The following CD2AP variants were observed in gnomAD, a reference collection of about 807,000 sequenced individuals.
CD2AP encodes the protein CD2 associated protein.
A neutral mutation model predicts 85.1 loss-of-function variants in CD2AP; 46 were observed. The observed-to-expected ratio is 0.54, with a 90% CI of 0.43 to 0.69. The LOEUF is 0.69. CD2AP is among the 30% of genes least tolerant of loss of function. The probability of loss-of-function intolerance (pLI) is 0.00; values close to 1 mark genes in which losing one functional copy is unlikely to be tolerated. For missense variants in CD2AP, 769 were observed against 729.5 expected, an observed-to-expected ratio of 1.05 and a Z score of -0.62; for synonymous variants, 255 against 252.9, an observed-to-expected ratio of 1.01 and a Z score of -0.08.
chr6:47,579,294 C>G, intron 8 of CD2AP, 91 bp from the exon 9 acceptor site: 1 of 764,976 alleles, frequency 1.3e-6, no homozygotes, highest in Non-Finnish European at 2.3e-6. Flanking sequence ...ATGATCGCAT[C>G]ACTGCACTTC....
intron 2 of CD2AP, among the ~76,000 whole-genome samples, chr6:47,504,532 CT>C (rs1450328850): frequency 2.0e-5 from 3 of 152,146 alleles, no homozygotes; most frequent in Non-Finnish European, 4.4e-5. Context: ...CTCCCATATA[CT>C]TTAAATAGTC....
intron 2 of CD2AP, among the ~76,000 whole-genome samples, chr6:47,532,888 T>C (rs1766925531): frequency 6.6e-6 from 1 of 152,222 alleles, no homozygotes; most frequent in Non-Finnish European, 1.5e-5. Context: ...GGCATAACTT[T>C]GTTTTTGTCT....
chr6:47,566,323 T>TATATATATATATACAC lies in CD2AP; in HGVS notation c.542-7740_542-7739insTATATATATATACACA. ...TAGAATATATATATATATATATATA[T>TATATATATATATACAC]ACACATACACATATATATATATGTA... On this transcript the variant is annotated intron_variant, in intron 5 of 17. Transcript: ENST00000359314. Among the ~76,000 whole-genome samples the TATATATATATATACAC allele has an allele frequency of 2.8e-4, 30 of 108,452 alleles. No homozygotes were observed. The South Asian group carries it at 9.4e-3, about 34-fold the overall frequency. The allele number at this position is 108,452 out of a possible 152,430, so 71.1% of individuals were successfully genotyped here.
intron 5 of CD2AP, among the ~76,000 whole-genome samples, chr6:47,566,301 AATATATATAT>A (rs71831752): frequency 0.36 from 39,881 of 110,256 alleles, 7,514 homozygotes; most frequent in Non-Finnish European, 0.39. Flanking sequence ...TGCTCATTAG[AATATATATAT>A]ATATATATAT....
intron 2 of CD2AP, among the ~76,000 whole-genome samples, chr6:47,509,532 C>G (rs755808970): frequency 3.2e-4 from 49 of 152,006 alleles, no homozygotes; most frequent in Non-Finnish European, 7.4e-5. Context: ...GGTGAAGTAA[C>G]TACACTTTAT....
chr6:47,488,169 G>A (rs1290195612), intron 1 of CD2AP, among the ~76,000 whole-genome samples: 1 of 151,710 alleles, frequency 6.6e-6, no homozygotes, highest in Non-Finnish European at 1.5e-5. Flanking sequence ...CCTACTCCGT[G>A]TGTATAAATA....
chr6:47,521,564 G>A (rs1384485958), intron 2 of CD2AP, among the ~76,000 whole-genome samples: 2 of 152,080 alleles, frequency 1.3e-5, no homozygotes, highest in Admixed American at 6.6e-5. Context: ...AAAAGAAATG[G>A]CACAGTAATA....
intron 13 of CD2AP, among the ~76,000 whole-genome samples, chr6:47,601,823 G>A (rs1016718215): frequency 6.6e-6 from 1 of 151,876 alleles, no homozygotes. Flanking sequence ...ATTAGGCAAC[G>A]TAATAATTTG....
chr6:47,563,836 C>G (rs900241295), intron 5 of CD2AP, among the ~76,000 whole-genome samples: 4 of 152,130 alleles, frequency 2.6e-5, no homozygotes, highest in Non-Finnish European at 5.9e-5. Context: ...TTTCTTTTCT[C>G]TTTAACTTAG....
intron 2 of CD2AP, among the ~76,000 whole-genome samples, chr6:47,525,835 A>AT (rs1349392213): frequency 6.6e-6 from 1 of 151,970 alleles, no homozygotes; most frequent in African/African-American, 2.4e-5. Flanking sequence ...TCCATATTGT[A>AT]TTTTTTCTTG....
At chr6:47,530,572 C>A (rs772049210) in intron 2 of CD2AP, among the ~76,000 whole-genome samples, 1 of 152,032 alleles carries the variant, frequency 6.6e-6, no homozygotes, top group Admixed American at 6.5e-5. Flanking sequence ...TATTCATTTA[C>A]TTGATGGATG....
intron 2 of CD2AP, among the ~76,000 whole-genome samples, chr6:47,526,690 A>G (rs547162069): frequency 1.1e-4 from 16 of 152,250 alleles, no homozygotes; most frequent in African/African-American, 3.1e-4. Context: ...CCTGTCCTCT[A>G]TCACATTTGG....
intron 2 of CD2AP, among the ~76,000 whole-genome samples, chr6:47,507,267 C>G (rs1293832284): frequency 6.6e-6 from 1 of 152,180 alleles, no homozygotes; most frequent in Non-Finnish European, 1.5e-5. Context: ...GTCTTGAACC[C>G]TTCAAAGTCA....
intron 9 of CD2AP, among the ~76,000 whole-genome samples, chr6:47,580,464 AAC>A (rs1423064297): frequency 8.1e-5 from 3 of 36,924 alleles, no homozygotes; most frequent in African/African-American, 1.7e-4. Flanking sequence ...AAACAAAACA[AAC>A]AAAAAAAAAA....
rs1055416143 is a variant in CD2AP at position 47,553,459 on chromosome 6, G to A, written c.421-1187G>A. 2.7e-5 allele frequency among the ~76,000 whole-genome samples: 4 copies of A among 148,166 alleles called. No individual in the cohort carries two copies. The South Asian group carries it at 8.4e-4, about 31-fold the overall frequency. On this transcript the variant is annotated intron_variant, in intron 4 of 17. Coordinates refer to ENST00000359314, the MANE Select transcript of CD2AP (RefSeq NM_012120.3). ...CTTCCCAGGTTCAACTGATTCTCCT[G>A]CCTCAGCTTCCCAGCTAGATGGGAC...
chr6:47,486,230 A>C (rs1198172986), intron 1 of CD2AP, among the ~76,000 whole-genome samples: 1 of 152,190 alleles, frequency 6.6e-6, no homozygotes, highest in African/African-American at 2.4e-5. Flanking sequence ...ACAAGTGTTA[A>C]GGATTGGGCA....
rs1015202870 is a variant in CD2AP, at chr6:47,626,319, T to C, written c.*2092T>C. The C allele has an allele frequency of 7.9e-5, 12 of 152,206 alleles. No individual in the cohort carries two copies. Among genetic ancestry groups the C allele is most frequent in the African/African-American group, 2.6e-4 (11 of 41,572 alleles). The allele number at this position is 152,206 out of a possible 1,614,324, so 9.4% of individuals were successfully genotyped here. ...AAAGAAAACCAAACAAACCCAGGCCTGATGGGAAAAATGATTCCTTTATTC... is the reference window on the plus strand; with the variant it reads ...AAAGAAAACCAAACAAACCCAGGCCCGATGGGAAAAATGATTCCTTTATTC... On this transcript the variant is annotated 3_prime_UTR_variant, in exon 18 of 18. Coordinates refer to ENST00000359314, the MANE Select transcript of CD2AP (RefSeq NM_012120.3).
intron 1 of CD2AP, among the ~76,000 whole-genome samples, chr6:47,491,403 GA>G (rs976303194): frequency 3.3e-5 from 5 of 151,552 alleles, no homozygotes; most frequent in African/African-American, 9.7e-5. Context: ...ATCTTATACT[GA>G]AATATATTTT....
At chr6:47,564,668 T>G (rs529565733) in intron 5 of CD2AP, among the ~76,000 whole-genome samples, 10 of 152,172 alleles carry the variant, frequency 6.6e-5, no homozygotes, top group Admixed American at 3.9e-4. Context: ...TTTAGGCAAG[T>G]TTCTGCATAT....
Sources: gnomAD v4.1 joint callset for allele counts (sites outside exome capture counted in the v4.1 genomes callset) on GRCh38, gnomAD v4.1.1 for gene constraint, MANE v1.5 for transcripts, NCBI Gene and HGNC (gene_info 2026-07-23, HGNC 2026-07-21) for gene names.